The following IL1RAPL1 variants were observed in gnomAD, a reference collection of about 807,000 sequenced individuals.
IL1RAPL1 encodes the protein interleukin-1 receptor accessory protein-like 1.
In IL1RAPL1, 3 loss-of-function variants were observed where a neutral mutation model predicts 48.4. The observed-to-expected ratio is 0.06, with a 90% CI of 0.03 to 0.16. The LOEUF is 0.16. Ranked by LOEUF, IL1RAPL1 falls within the 10% of genes least tolerant of loss-of-function variation. IL1RAPL1 has a pLI of 1.00. For missense variants in IL1RAPL1, 349 were observed against 530.6 expected (o/e 0.66, Z 3.36); for synonymous variants, 185 against 187.7 (o/e 0.99, Z 0.12).
intron 5 of IL1RAPL1, among the ~76,000 whole-genome samples, chrX:29,488,679 A>G (rs34668707): frequency 0.41 from 43,203 of 105,992 alleles, 7,362 homozygotes; most frequent in East Asian, 0.71. Flanking sequence ...ATATATAACT[A>G]TGAGAGGTGG....
At chrX:28,773,927 C>T (rs1936335498) in intron 1 of IL1RAPL1, among the ~76,000 whole-genome samples, 1 of 112,112 alleles carries the variant, frequency 8.9e-6, no homozygotes, top group African/African-American at 3.2e-5. Context: ...AAAATGTCCA[C>T]GTTAAAGTTA....
At chrX:28,915,042 A>G (rs1287267685) in intron 2 of IL1RAPL1, among the ~76,000 whole-genome samples, 1 of 111,429 alleles carries the variant, frequency 9.0e-6, no homozygotes, top group Non-Finnish European at 1.9e-5. Context: ...GGCAGGGGCA[A>G]TGGTTTGGGG....
intron 5 of IL1RAPL1, among the ~76,000 whole-genome samples, chrX:29,546,254 T>G (rs781655414): frequency 1.7e-4 from 19 of 111,781 alleles, no homozygotes; most frequent in Non-Finnish European, 3.2e-4. Flanking sequence ...TGATACATCT[T>G]TTTTAGAACC....
At chrX:29,784,918 A>G (rs1929457565) in intron 6 of IL1RAPL1, among the ~76,000 whole-genome samples, 1 of 112,183 alleles carries the variant, frequency 8.9e-6, no homozygotes, top group Non-Finnish European at 1.9e-5. Flanking sequence ...ATTTTAAGTT[A>G]AAAGAATAAA....
chrX:28,783,969 G>A (rs1936448582), intron 1 of IL1RAPL1, among the ~76,000 whole-genome samples: 1 of 110,891 alleles, frequency 9.0e-6, no homozygotes, highest in Non-Finnish European at 1.9e-5. Flanking sequence ...TAATCATTTT[G>A]TACCTCAGTA....
At chrX:29,655,887 C>T (rs113985890) in intron 5 of IL1RAPL1, among the ~76,000 whole-genome samples, 12,707 of 110,821 alleles carry the variant, frequency 0.11, 721 homozygotes, top group Non-Finnish European at 0.18. Flanking sequence ...CCCCAAACCA[C>T]ACACCCCAAA....
At chrX:29,683,241 G>A (rs1395563955) in intron 6 of IL1RAPL1, among the ~76,000 whole-genome samples, 1 of 111,899 alleles carries the variant, frequency 8.9e-6, no homozygotes, top group Non-Finnish European at 1.9e-5. Flanking sequence ...TAGATGAATA[G>A]ATAGATAGAT....
At chrX:28,898,538 C>G (rs1922991816) in intron 2 of IL1RAPL1, among the ~76,000 whole-genome samples, 1 of 110,949 alleles carries the variant, frequency 9.0e-6, no homozygotes, top group African/African-American at 3.3e-5. Flanking sequence ...TGATCTCAAA[C>G]TCCTGGGCTC....
At chrX:29,882,173 T>C (rs1339109341) in intron 6 of IL1RAPL1, among the ~76,000 whole-genome samples, 1 of 111,833 alleles carries the variant, frequency 8.9e-6, no homozygotes, top group Non-Finnish European at 1.9e-5. Flanking sequence ...TTATTTGAAG[T>C]TGAGAAATAA....
chrX:29,834,405 A>G (rs1050946112), intron 6 of IL1RAPL1, among the ~76,000 whole-genome samples: 7 of 110,957 alleles, frequency 6.3e-5, no homozygotes, highest in Admixed American at 2.9e-4. Flanking sequence ...AACTGCTTAC[A>G]TTTTTAAAAT....
At chrX:28,904,136 T>G (rs1160740358) in intron 2 of IL1RAPL1, among the ~76,000 whole-genome samples, 4 of 111,087 alleles carry the variant, frequency 3.6e-5, no homozygotes, top group East Asian at 5.6e-4. Context: ...AATAGCTGTT[T>G]ACTGTACCAT....
intron 5 of IL1RAPL1, among the ~76,000 whole-genome samples, chrX:29,608,775 G>C (rs940150702): frequency 9.5e-6 from 1 of 105,138 alleles, no homozygotes; most frequent in South Asian, 4.6e-4. Flanking sequence ...GCAGTGAGCC[G>C]AGATCTCACC....
intron 1 of IL1RAPL1, among the ~76,000 whole-genome samples, chrX:28,731,273 T>C (rs1000808450): frequency 8.9e-6 from 1 of 112,107 alleles, no homozygotes; most frequent in African/African-American, 3.2e-5. Flanking sequence ...TTTTACTTTA[T>C]GCTTTGAAAT....
chrX:28,853,669 G>A (rs972936790), intron 2 of IL1RAPL1, among the ~76,000 whole-genome samples: 1 of 110,823 alleles, frequency 9.0e-6, no homozygotes, highest in Non-Finnish European at 1.9e-5. Context: ...AAAATAAACA[G>A]TAAAAGAAAA....
intron 5 of IL1RAPL1, among the ~76,000 whole-genome samples, chrX:29,624,114 T>C (rs775019265): frequency 8.9e-6 from 1 of 112,208 alleles, no homozygotes; most frequent in Non-Finnish European, 1.9e-5. Context: ...TTGCTTTATA[T>C]TCCTTTAGAG....
intron 6 of IL1RAPL1, among the ~76,000 whole-genome samples, chrX:29,802,850 T>TATAC (rs1929989073): frequency 1.1e-5 from 1 of 91,763 alleles, no homozygotes; most frequent in African/African-American, 4.2e-5. Flanking sequence ...TACATATATG[T>TATAC]GTATATACGT....
At chrX:29,158,804 A>T (rs1424651841) in intron 2 of IL1RAPL1, among the ~76,000 whole-genome samples, 1 of 110,791 alleles carries the variant, frequency 9.0e-6, no homozygotes, top group Admixed American at 9.7e-5. Flanking sequence ...GTGTTTTTCT[A>T]TTGCTCTTTC....
intron 2 of IL1RAPL1, among the ~76,000 whole-genome samples, chrX:29,067,043 A>G (rs191526947): frequency 1.5e-4 from 17 of 111,275 alleles, no homozygotes; most frequent in African/African-American, 5.6e-4. Flanking sequence ...GAGTTTCTTC[A>G]TTTGCTGCTT....
At chrX:29,777,365 T>A (rs1288635471) in intron 6 of IL1RAPL1, among the ~76,000 whole-genome samples, 1 of 112,330 alleles carries the variant, frequency 8.9e-6, no homozygotes, top group Non-Finnish European at 1.9e-5. Context: ...TTTATGTTCA[T>A]CTCAATGGGA....
Sources: gnomAD v4.1 joint callset for allele counts (sites outside exome capture counted in the v4.1 genomes callset) on GRCh38, gnomAD v4.1.1 for gene constraint, MANE v1.5 for transcripts, NCBI Gene and HGNC (gene_info 2026-07-23, HGNC 2026-07-21) for gene names.